The following FOXP2 variants were observed in gnomAD, a reference collection of about 807,000 sequenced individuals.
FOXP2 encodes the protein forkhead box protein P2.
A neutral mutation model predicts 115.8 loss-of-function variants in FOXP2; 12 were observed. The ratio of observed to expected loss-of-function variants is 0.10; its 90% CI spans 0.07 to 0.17. The LOEUF is 0.17. Among genes scored for constraint, FOXP2 ranks in the 10% least tolerant of loss-of-function variants. FOXP2 has a pLI of 1.00. For synonymous variants in FOXP2, 328 were observed against 297.7 expected, an observed-to-expected ratio of 1.10 and a Z score of -1.05; for missense variants, 629 against 843.5, an observed-to-expected ratio of 0.75 and a Z score of 3.15.
chr7:114,115,795 A>G (rs367959838), intron 1 of FOXP2, among the ~76,000 whole-genome samples: 6 of 152,030 alleles, frequency 3.9e-5, no homozygotes, highest in East Asian at 3.9e-4. Flanking sequence ...ACTCAACCAT[A>G]AGCTCCTCAA....
chr7:114,672,371 G>A (rs977720580), intron 16 of FOXP2, among the ~76,000 whole-genome samples: 1 of 152,096 alleles, frequency 6.6e-6, no homozygotes, highest in Admixed American at 6.5e-5. Flanking sequence ...GATCACCTGA[G>A]GTCAGGAGTT....
chr7:114,195,127 A>G lies in FOXP2; in HGVS notation c.-102+32039A>G, dbSNP rs1031049098. Reference sequence around the variant, plus strand: ...ATAACTGTGAGGTGGATGTCTTGACAGTCACTTTTTACAGAGGGAGAGGAG... The same window carrying G: ...ATAACTGTGAGGTGGATGTCTTGACGGTCACTTTTTACAGAGGGAGAGGAG... On this transcript the variant is annotated intron_variant, in intron 1 of 17. Coordinates refer to the FOXP2 transcript ENST00000634411. Among the ~76,000 whole-genome samples, 9 of 152,286 alleles carry G rather than the reference A, an allele frequency of 5.9e-5. No individual in the cohort carries two copies. In the East Asian group the frequency reaches 1.5e-3, roughly 26 times the overall value.
chr7:114,286,431 T>C (rs528882337), intron 1 of FOXP2, among the ~76,000 whole-genome samples: 8 of 152,122 alleles, frequency 5.3e-5, no homozygotes, highest in African/African-American at 1.9e-4. Flanking sequence ...TAGACTGATT[T>C]AGAAAAAGTT....
chr7:114,248,180 C>CAGAGAGAGAG (rs71314647), intron 1 of FOXP2, among the ~76,000 whole-genome samples: 2,302 of 146,024 alleles, frequency 0.016, 22 homozygotes, highest in Non-Finnish European at 0.024. Context: ...AGCTTAAAAA[C>CAGAGAGAGAG]AGAGAGAGAG....
chr7:114,206,141 C>G (rs1192549649), intron 1 of FOXP2, among the ~76,000 whole-genome samples: 1 of 152,154 alleles, frequency 6.6e-6, no homozygotes, highest in Non-Finnish European at 1.5e-5. Context: ...CTATTTCCAT[C>G]CTTGCCCTCA....
At chr7:114,584,870 A>T (rs1802053401) in intron 3 of FOXP2, among the ~76,000 whole-genome samples, 1 of 152,160 alleles carries the variant, frequency 6.6e-6, no homozygotes, top group Non-Finnish European at 1.5e-5. Context: ...GGGGCATATT[A>T]CTTCATTTTC....
chr7:114,687,817 G>T, intron 16 of FOXP2, among the ~76,000 whole-genome samples: 1 of 152,000 alleles, frequency 6.6e-6, no homozygotes, highest in East Asian at 1.9e-4. Flanking sequence ...CATTCACATT[G>T]AATTAGTTAT....
intron 2 of FOXP2, among the ~76,000 whole-genome samples, chr7:114,510,791 A>G (rs1011755843): frequency 2.6e-5 from 4 of 152,220 alleles, no homozygotes; most frequent in African/African-American, 7.2e-5. Context: ...TGTGGAAGAC[A>G]GTGTGGCGAT....
intron 1 of FOXP2, chr7:114,285,313 C>G (rs991656367): frequency 6.6e-6 from 1 of 152,168 alleles, no homozygotes. Flanking sequence ...TATTTTCTCA[C>G]TACCTACTTC....
intron 1 of FOXP2, among the ~76,000 whole-genome samples, chr7:114,207,496 A>G (rs1394511975): frequency 6.6e-6 from 1 of 152,200 alleles, no homozygotes; most frequent in East Asian, 1.9e-4. Context: ...TAAAACATTT[A>G]GCTTGTAAGC....
intron 1 of FOXP2, among the ~76,000 whole-genome samples, chr7:114,287,548 G>C (rs1489118529): frequency 6.6e-6 from 1 of 151,982 alleles, no homozygotes; most frequent in Non-Finnish European, 1.5e-5. Context: ...TCCTTACATT[G>C]TGATTATGAG....
At chr7:114,544,974 T>C (rs1562989036) in intron 3 of FOXP2, among the ~76,000 whole-genome samples, 1 of 152,172 alleles carries the variant, frequency 6.6e-6, no homozygotes, top group Non-Finnish European at 1.5e-5. Flanking sequence ...GCAAGTCTTA[T>C]AAAAATGGAG....
At chr7:114,553,954 A>G (rs1188849543) in intron 3 of FOXP2, among the ~76,000 whole-genome samples, 4 of 152,208 alleles carry the variant, frequency 2.6e-5, no homozygotes, top group East Asian at 1.9e-4. Context: ...GATGTTTTCT[A>G]GGTATATTTT....
At chr7:114,389,947 C>T (rs1792546638) in intron 2 of FOXP2, among the ~76,000 whole-genome samples, 1 of 145,808 alleles carries the variant, frequency 6.9e-6, no homozygotes, top group Non-Finnish European at 1.5e-5. Flanking sequence ...TCACTTGAAC[C>T]TGGGAGGCGG....
upstream of FOXP2, among the ~76,000 whole-genome samples, chr7:114,411,244 A>G (rs548989574): frequency 6.6e-6 from 1 of 152,220 alleles, no homozygotes; most frequent in South Asian, 2.1e-4. Context: ...GAATGTGCTT[A>G]GACTAATAGA....
intron 3 of FOXP2, among the ~76,000 whole-genome samples, chr7:114,597,083 C>T (rs756703794): frequency 6.6e-6 from 1 of 151,990 alleles, no homozygotes; most frequent in Non-Finnish European, 1.5e-5. Context: ...TCTCAATGCT[C>T]ATTTTTTATG....
Position 114,430,356 on chromosome 7 carries a change from A to T in FOXP2, c.168+3677A>T, listed in dbSNP as rs559744365. On this transcript the variant is annotated intron_variant, in intron 2 of 16. Transcript: ENST00000350908. ...TCAAAATATTTTCTTTTAGAAATTA[A>T]TATTTAAAGTCTTACCAAGTGCACC... Among the ~76,000 whole-genome samples, 217 of 151,888 alleles carry T rather than the reference A, an allele frequency of 1.4e-3. 1 individual carries two copies. The highest frequency in any genetic ancestry group is 2.6e-3 in the Non-Finnish European group (178 of 67,784).
intron 3 of FOXP2, among the ~76,000 whole-genome samples, chr7:114,554,663 C>G (rs1800372012): frequency 6.6e-6 from 1 of 152,084 alleles, no homozygotes; most frequent in African/African-American, 2.4e-5. Flanking sequence ...GATCTCCTAA[C>G]ATATTTTCTA....
chr7:114,601,937 A>G (rs1451486041), intron 3 of FOXP2, among the ~76,000 whole-genome samples: 3 of 152,158 alleles, frequency 2.0e-5, no homozygotes, highest in East Asian at 3.9e-4. Context: ...TTTATACAGC[A>G]CTTTATATAT....
Sources: gnomAD v4.1 joint callset for allele counts (sites outside exome capture counted in the v4.1 genomes callset) on GRCh38, gnomAD v4.1.1 for gene constraint, MANE v1.5 for transcripts, NCBI Gene and HGNC (gene_info 2026-07-23, HGNC 2026-07-21) for gene names.